The following SEC22A variants were observed in gnomAD, a reference collection of about 807,000 sequenced individuals.
SEC22A encodes SEC22 homolog A, vesicle trafficking protein, also known as vesicle-trafficking protein SEC22a.
Under a neutral mutation model 35.3 loss-of-function variants are expected in SEC22A, and 22 were observed. The observed-to-expected ratio is 0.62, with a 90% CI of 0.45 to 0.89. The LOEUF (loss-of-function observed/expected upper bound fraction) is 0.89, where lower values mean the gene tolerates loss of function less well. SEC22A is among the 40% of genes least tolerant of loss of function. SEC22A has a pLI of 0.00. For synonymous variants in SEC22A, 119 were observed against 129.5 expected (o/e 0.92, Z 0.55); for missense variants, 354 against 362.5 (o/e 0.98, Z 0.19).
In SEC22A at chr3:123,217,228, C is replaced by T. The variant is rs138718497; in HGVS notation, c.183-6331C>T. 1.0e-3 allele frequency among the ~76,000 whole-genome samples: 155 copies of T among 150,458 alleles called. 1 individual carries two copies. Among genetic ancestry groups the T allele is most frequent in the African/African-American group, 3.6e-3 (146 of 40,934 alleles). ...ATTTTTTTTTTTTGAGATGGAGTCT[C>T]GCTCTGTCGCCCAGGCTGGAGTGCA... On this transcript the variant is annotated intron_variant, in intron 2 of 6. Transcript: ENST00000492595.
chr3:123,202,585 A>C (rs1283562438), intron 1 of SEC22A, among the ~76,000 whole-genome samples: 1 of 152,102 alleles, frequency 6.6e-6, no homozygotes, highest in African/African-American at 2.4e-5. Context: ...GGGAGACCTG[A>C]GCAATTGGCT....
chr3:123,229,734 C>T (rs367894747), intron 4 of SEC22A, among the ~76,000 whole-genome samples: 11 of 152,046 alleles, frequency 7.2e-5, no homozygotes, highest in East Asian at 1.9e-4. Context: ...TGGTGCCACA[C>T]GCCTGTAATC....
chr3:123,223,109 A>G (rs1937158099), intron 2 of SEC22A, among the ~76,000 whole-genome samples: 1 of 152,222 alleles, frequency 6.6e-6, no homozygotes, highest in African/African-American at 2.4e-5. Flanking sequence ...TAACTTCAAG[A>G]GGTCAGTGAT....
intron 1 of SEC22A, among the ~76,000 whole-genome samples, chr3:123,202,874 A>T (rs2108019464): frequency 6.6e-6 from 1 of 152,178 alleles, no homozygotes; most frequent in East Asian, 1.9e-4. Flanking sequence ...TTTCCATGTT[A>T]CTGATATTTG....
chr3:123,262,843 T>A (rs1241545812), intron 6 of SEC22A, among the ~76,000 whole-genome samples: 1 of 152,222 alleles, frequency 6.6e-6, no homozygotes, highest in East Asian at 1.9e-4. Context: ...TGGGTAAAGT[T>A]TTTCTAATTA....
At chr3:123,213,302 G>A (rs1187007517) in intron 2 of SEC22A, among the ~76,000 whole-genome samples, 1 of 152,098 alleles carries the variant, frequency 6.6e-6, no homozygotes, top group Admixed American at 6.6e-5. Flanking sequence ...GTAAAATTGA[G>A]AATTTGTGTG....
chr3:123,270,283 TGATA>T (rs149012431), intron 6 of SEC22A, among the ~76,000 whole-genome samples: 29,683 of 152,096 alleles, frequency 0.2, 2,963 homozygotes, highest in Middle Eastern at 0.27. Flanking sequence ...TGAAAATCAC[TGATA>T]AATACTTCCA....
intron 1 of SEC22A, 64 bp from the exon 2 acceptor site, chr3:123,209,135 T>G: frequency 7.7e-7 from 1 of 1,306,108 alleles, no homozygotes. Flanking sequence ...TTGAACATTT[T>G]TACATATGCT....
intron 2 of SEC22A, among the ~76,000 whole-genome samples, chr3:123,217,742 A>G (rs971433575): frequency 2.0e-5 from 3 of 152,210 alleles, no homozygotes; most frequent in Admixed American, 2.0e-4. Context: ...ATCATTTGCT[A>G]TCTATGTACC....
At chr3:123,257,365 A>T (rs1937756021) in intron 5 of SEC22A, among the ~76,000 whole-genome samples, 1 of 152,230 alleles carries the variant, frequency 6.6e-6, no homozygotes, top group Non-Finnish European at 1.5e-5. Flanking sequence ...TTTGAACCCA[A>T]GTCTGACTGA....
At chr3:123,208,212 C>G (rs1399814055) in intron 1 of SEC22A, 1 of 152,110 alleles carries the variant, frequency 6.6e-6, no homozygotes, top group Non-Finnish European at 1.5e-5. Flanking sequence ...ACAAACATAA[C>G]TTTTAGTTGC....
rs150966748 is a variant in SEC22A, at chr3:123,268,791, A to G, written c.724-2731A>G. On this transcript the variant is annotated intron_variant, in intron 6 of 6. Transcript: ENST00000492595. ...TCTGTGGCTATATTTCTCCTGATCC[A>G]GGATTATGCATTTCATTTGATTGTC... 3.6e-3 allele frequency among the ~76,000 whole-genome samples: 545 copies of G among 152,260 alleles called. 4 individuals carry two copies. The highest frequency in any genetic ancestry group is 0.012 in the African/African-American group (513 of 41,550).
At chr3:123,268,769 G>T (rs1246176800) in intron 6 of SEC22A, among the ~76,000 whole-genome samples, 2 of 152,054 alleles carry the variant, frequency 1.3e-5, no homozygotes, top group African/African-American at 4.8e-5. Flanking sequence ...AATGTTTTCT[G>T]TGGCTATATT....
In SEC22A at chr3:123,269,194, T is replaced by TGG. The variant is rs1189119519; in HGVS notation, c.724-2327_724-2326insGG. 4.0e-3 allele frequency among the ~76,000 whole-genome samples: 399 copies of TGG among 100,184 alleles called. 3 individuals are homozygous for TGG. The highest frequency in any genetic ancestry group is 0.013 in the African/African-American group (383 of 28,590). The allele number at this position is 100,184 out of a possible 152,430, so 65.7% of individuals were successfully genotyped here. ...AATTAAATATATGTGTGTGTGTGTG[T>TGG]GTGTGTGTGTGTGTGTGTGTGTATA... On this transcript the variant is annotated intron_variant, in intron 6 of 6. Transcript: ENST00000492595.
intron 6 of SEC22A, among the ~76,000 whole-genome samples, chr3:123,268,317 A>C (rs573300112): frequency 6.6e-6 from 1 of 152,334 alleles, no homozygotes; most frequent in Admixed American, 6.5e-5. Flanking sequence ...TTTGATATGC[A>C]TGCCTTGGCA....
At chr3:123,267,966 T>C (rs1938063616) in intron 6 of SEC22A, among the ~76,000 whole-genome samples, 1 of 152,200 alleles carries the variant, frequency 6.6e-6, no homozygotes, top group Non-Finnish European at 1.5e-5. Flanking sequence ...ATCTTGTTAC[T>C]GTCAAGTGAA....
rs376385043 is a variant in SEC22A at position 123,265,909 on chromosome 3, A to G, written c.724-5613A>G. 3.3e-5 allele frequency among the ~76,000 whole-genome samples: 5 copies of G among 152,260 alleles called. No homozygotes were observed. The East Asian group carries it at 7.7e-4, about 23-fold the overall frequency. ...TTGTTGCATTGATTTCTTTTTGTCTATCCTTCCACCACTACCACATAGTCT... is the reference window on the plus strand; with the variant it reads ...TTGTTGCATTGATTTCTTTTTGTCTGTCCTTCCACCACTACCACATAGTCT... On this transcript the variant is annotated intron_variant, in intron 6 of 6. Coordinates refer to ENST00000492595, the MANE Select transcript of SEC22A (RefSeq NM_012430.5).
At chr3:123,241,279 G>T (rs1937518350) in intron 4 of SEC22A, among the ~76,000 whole-genome samples, 2 of 152,114 alleles carry the variant, frequency 1.3e-5, no homozygotes, top group African/African-American at 4.8e-5. Context: ...TTTACAGGTG[G>T]TGATGATAAA....
intron 4 of SEC22A, among the ~76,000 whole-genome samples, chr3:123,238,479 C>T (rs1159284244): frequency 4.6e-5 from 7 of 152,210 alleles, no homozygotes; most frequent in East Asian, 1.9e-4. Flanking sequence ...TACAGACGTG[C>T]GCCACCACGC....
Sources: allele counts gnomAD v4.1 joint callset (sites outside exome capture counted in the v4.1 genomes callset), GRCh38; gene constraint gnomAD v4.1.1; transcripts MANE v1.5; gene names NCBI Gene and HGNC (gene_info 2026-07-23, HGNC 2026-07-21).